Variants in TPTE2 observed in about 807,000 individuals in gnomAD.
TPTE2 encodes the protein transmembrane phosphoinositide 3-phosphatase and tensin homolog 2, also known as phosphatidylinositol 3,4,5-trisphosphate 3-phosphatase TPTE2.
In TPTE2, 53 loss-of-function variants were observed where a neutral mutation model predicts 78.6. The observed-to-expected ratio is 0.67, with a 90% CI of 0.54 to 0.85. The LOEUF (loss-of-function observed/expected upper bound fraction) is 0.85. Among genes scored for constraint, TPTE2 ranks in the 40% least tolerant of loss-of-function variants. TPTE2 has a pLI of 0.00. For synonymous variants in TPTE2, 175 were observed against 206.2 expected (o/e 0.85, Z 1.30); for missense variants, 461 against 623.0 (o/e 0.74, Z 2.77).
At chr13:19,451,933 AAT>A (rs1878217363) in intron 10 of TPTE2, among the ~76,000 whole-genome samples, 3 of 152,114 alleles carry the variant, frequency 2.0e-5, no homozygotes, top group South Asian at 2.1e-4. Context: ...ACTTTCAGTA[AAT>A]ATATCTTTCT....
chr13:19,442,402 A>C (rs1480673790), intron 13 of TPTE2, among the ~76,000 whole-genome samples: 1 of 152,032 alleles, frequency 6.6e-6, no homozygotes, highest in Non-Finnish European at 1.5e-5. Context: ...ACTACAAATA[A>C]AAATTTATGG....
At chr13:19,477,886 C>T (rs1371528456) in intron 4 of TPTE2, among the ~76,000 whole-genome samples, 1 of 152,118 alleles carries the variant, frequency 6.6e-6, no homozygotes, top group African/African-American at 2.4e-5. Context: ...AAGTACTGTT[C>T]ACACTCGGGA....
chr13:19,503,096 G>T, intron 1 of TPTE2, 128 bp downstream of exon 4: 2 of 1,337,430 alleles, frequency 1.5e-6, no homozygotes, highest in South Asian at 1.2e-5. Context: ...GGATGTGTTT[G>T]GGAGAAGTGT....
At chr13:19,504,827 TTC>T (rs1218958315), upstream of TPTE2, among the ~76,000 whole-genome samples, 7 of 152,132 alleles carry the variant, frequency 4.6e-5, no homozygotes, top group East Asian at 1.9e-4. Context: ...TTTCTGTTGT[TTC>T]TCTCTCTCTT....
At chr13:19,557,650 G>A in the TPTE2 span, among the ~76,000 whole-genome samples, 2 of 152,084 alleles carry the variant, frequency 1.3e-5, no homozygotes, top group South Asian at 2.1e-4. Flanking sequence ...TTCCCAGTTT[G>A]GGGGGATGTT....
At chr13:19,477,719 C>T (rs189355125) in intron 4 of TPTE2, among the ~76,000 whole-genome samples, 1 of 152,262 alleles carries the variant, frequency 6.6e-6, no homozygotes, top group East Asian at 1.9e-4. Flanking sequence ...GCTTTAGCCC[C>T]TTAATCTGTT....
intron 3 of TPTE2, among the ~76,000 whole-genome samples, chr13:19,487,973 T>C (rs1352450636): frequency 6.6e-6 from 1 of 152,208 alleles, no homozygotes; most frequent in African/African-American, 2.4e-5. Flanking sequence ...GACAGGGATC[T>C]TCTGCTTACC....
chr13:19,488,662 G>A (rs1475873280), intron 3 of TPTE2, among the ~76,000 whole-genome samples: 1 of 152,188 alleles, frequency 6.6e-6, no homozygotes, highest in East Asian at 1.9e-4. Flanking sequence ...AAGAGAGTGA[G>A]GGCCTTGTCC....
chr13:19,425,750 G>A lies in TPTE2; in HGVS notation c.1395+675C>T, dbSNP rs2497211. On this transcript the variant is annotated intron_variant, in intron 18 of 19. Coordinates refer to ENST00000400230, the Ensembl canonical transcript of TPTE2. ...ACTCTCAGGTCCCTCCCTCTCTCTC[G>A]CTATTGCTCCCACCCATCAGTCGAG... The A allele has an allele frequency of 0.15, 75,118 of 514,918 alleles. 8,655 individuals are homozygous for A. Among genetic ancestry groups the A allele is most frequent in the African/African-American group, 0.48 (24,668 of 51,500 alleles). The allele number at this position is 514,918 out of a possible 1,614,324, so 31.9% of individuals were successfully genotyped here.
intron 5 of TPTE2, 93 bp downstream of exon 8, chr13:19,475,480 C>A: frequency 7.0e-7 from 1 of 1,419,610 alleles, no homozygotes; most frequent in Non-Finnish European, 9.6e-7. Context: ...CCCGCCTCAG[C>A]CCCCCAGAGT....
intron 10 of TPTE2, among the ~76,000 whole-genome samples, chr13:19,459,680 T>C (rs1169051433): frequency 5.3e-5 from 8 of 152,224 alleles, no homozygotes; most frequent in African/African-American, 1.7e-4. Context: ...CATAGAACCG[T>C]TGCTGCAGTG....
chr13:19,424,743 G>T (rs1054359712), intron 19 of TPTE2, among the ~76,000 whole-genome samples: 2 of 152,178 alleles, frequency 1.3e-5, no homozygotes, highest in Non-Finnish European at 2.9e-5. Context: ...GGACCCTGAG[G>T]ATACTGCAAC....
rs191198965 is a variant in TPTE2, at chr13:19,484,714, C to A, written c.120-2167G>T. 3.0e-3 allele frequency among the ~76,000 whole-genome samples: 454 copies of A among 152,112 alleles called. 10 individuals are homozygous for A. The South Asian group carries it at 0.045, about 15-fold the overall frequency. ...AATTATATTTCTTGCTGAATTGAAC[C>A]CTTTATTATTACAAAATAATCTTGT... is the stretch of plus-strand genomic sequence containing the variant. On this transcript the variant is annotated intron_variant, in intron 3 of 19. Coordinates refer to ENST00000400230, the Ensembl canonical transcript of TPTE2.
chr13:19,560,628 A>G, the TPTE2 span: 1 of 1,587,142 alleles, frequency 6.3e-7, no homozygotes, highest in South Asian at 1.1e-5. Context: ...GAAGGTGCCC[A>G]TCAGGGCCAG....
the TPTE2 span, chr13:19,552,775 T>A: frequency 2.8e-6 from 1 of 362,926 alleles, no homozygotes; most frequent in Non-Finnish European, 4.7e-6. Context: ...TTTAAAAAGT[T>A]ATAACCAATC....
intron 18 of TPTE2, 139 bp downstream of exon 21, chr13:19,426,286 A>C (rs753230991): frequency 1.7e-5 from 11 of 651,136 alleles, no homozygotes; most frequent in South Asian, 3.4e-5. Context: ...ACGCTCTTTT[A>C]AAAAAATTTG....
At chr13:19,498,019 C>A (rs912807317) in intron 1 of TPTE2, among the ~76,000 whole-genome samples, 1 of 150,920 alleles carries the variant, frequency 6.6e-6, no homozygotes, top group Admixed American at 6.6e-5. Context: ...GCCTCAGGAG[C>A]CGATGCGATC....
chr13:19,431,132 A>G (rs1876566309), intron 16 of TPTE2, among the ~76,000 whole-genome samples: 1 of 151,836 alleles, frequency 6.6e-6, no homozygotes, highest in South Asian at 2.1e-4. Flanking sequence ...GTCTCCAAAA[A>G]AAAAAAAAGA....
chr13:19,424,609 G>T (rs1593339516), intron 19 of TPTE2, among the ~76,000 whole-genome samples: 1 of 152,156 alleles, frequency 6.6e-6, no homozygotes, highest in Admixed American at 6.5e-5. Flanking sequence ...AGCACCTACT[G>T]ACAGGGACCT....
Sources: gnomAD v4.1 joint callset for allele counts (sites outside exome capture counted in the v4.1 genomes callset) on GRCh38, gnomAD v4.1.1 for gene constraint, MANE v1.5 for transcripts, NCBI Gene and HGNC (gene_info 2026-07-23, HGNC 2026-07-21) for gene names.